MYH6: variants seen among roughly 807,000 people sequenced by gnomAD.
MYH6 encodes the protein myosin-6.
In MYH6, 126 loss-of-function variants were observed where a neutral mutation model predicts 223.2. The observed-to-expected ratio is 0.56, with a 90% confidence interval of 0.49 to 0.65. MYH6 has a LOEUF of 0.65. Among genes scored for constraint, MYH6 ranks in the 30% least tolerant of loss-of-function variants. The probability of loss-of-function intolerance (pLI) is 0.00; values close to 1 mark genes in which losing one functional copy is unlikely to be tolerated. For synonymous variants in MYH6, 978 were observed against 1,010.2 expected, an observed-to-expected ratio of 0.97 and a Z score of 0.61; for missense variants, 2,040 against 2,536.4, an observed-to-expected ratio of 0.80 and a Z score of 4.20.
At chr14:23,398,267 C>T (rs1019430853) in intron 15 of MYH6, among the ~76,000 whole-genome samples, 4 of 152,082 alleles carry the variant, frequency 2.6e-5, no homozygotes, top group Non-Finnish European at 4.4e-5. Context: ...CCACCCGCCT[C>T]GGCCTCCCAA....
chr14:23,393,789 G>A lies in MYH6; in HGVS notation c.2805C>T (p.Asn935=), dbSNP rs757958461. ...NERLEDEEEM[N]AELTAKKRKL... is the part of the protein sequence containing the mutation. ...TGCGCTTCTTGGCAGTGAGCTCCGC[G>A]TTCATCTCCTCCTCATCCTCCAGCC... Residue 935 remains asparagine, a synonymous_variant, in exon 22 of 39, where the codon AAC becomes AAT. Transcript: ENST00000405093. 157 of 1,614,076 alleles carry A rather than the reference G, an allele frequency of 9.7e-5. No individual in the cohort carries two copies. The highest frequency in any genetic ancestry group is 1.6e-4 in the Middle Eastern group (1 of 6,084).
In MYH6 at chr14:23,385,005, A is replaced by G; in HGVS notation, c.5200T>C (p.Ser1734Pro). ...SLINQKKKME[S>P]DLTQLQSEVE... ...TCCGACTGGAGCTGGGTCAGATCCG[A>G]CTCCATCTTCTTCTTCTGGTTGATG... The change falls in exon 35 of 39, where the codon TCG becomes CCG. Residue 1734 changes from serine (S) to proline (P), a missense_variant. Ser to Pro is a moderately conservative substitution (Grantham distance 74). Transcript: ENST00000405093. 1 of 1,613,860 alleles carries G rather than the reference A, an allele frequency of 6.2e-7. No homozygotes were observed.
Position 23,398,863 on chromosome 14 carries a change from T to C in MYH6, c.1756A>G (p.Thr586Ala). The C allele has an allele frequency of 6.2e-7, 1 of 1,614,180 alleles. No homozygotes were observed. The highest frequency in any genetic ancestry group is 8.5e-7 in the Non-Finnish European group (1 of 1,180,034). Residue 586 changes from threonine to alanine, a missense_variant, in exon 15 of 39, where the codon ACT (threonine) becomes GCT (alanine). Coordinates refer to ENST00000405093, the MANE Select transcript of MYH6 (RefSeq NM_002471.4). ...AHFSLIHYAGTVDYNILGWLE... is the reference protein window; with the variant it reads ...AHFSLIHYAGAVDYNILGWLE... ...CAGCCCAGGATGTTGTAGTCCACAG[T>C]GCCGGCGTAGTGGATCAGGGAGAAG...
At position 23,397,234 on chromosome 14, in the gene MYH6, G is replaced by C. The variant is rs894656073; in HGVS notation, c.1986C>G (p.Thr662=). 11 of 1,614,072 alleles carry C rather than the reference G, an allele frequency of 6.8e-6. No homozygotes were observed. Among genetic ancestry groups the C allele is most frequent in the East Asian group, 2.2e-5 (1 of 44,898 alleles). The change falls in exon 17 of 39, where the codon ACC becomes ACG. Residue 662 remains threonine (T), a synonymous_variant. Transcript: ENST00000405093. Reference sequence around the variant, plus strand: ...AGTGAGGATGGGTGGTCCTCAGGTTGGTCATTAGCTTGTTGAGATTTTCCT... The same window carrying C: ...AGTGAGGATGGGTGGTCCTCAGGTTCGTCATTAGCTTGTTGAGATTTTCCT... ...LHRENLNKLM[T]NLRTTHPHFV...
intron 12 of MYH6, among the ~76,000 whole-genome samples, chr14:23,401,780 C>T (rs571633836): frequency 6.6e-6 from 1 of 152,352 alleles, no homozygotes; most frequent in South Asian, 2.1e-4. Flanking sequence ...CTCCTACCCC[C>T]AGCCATCCAA....
At position 23,385,908 on chromosome 14, in the gene MYH6, G is replaced by T. The variant is rs1397119717; in HGVS notation, c.5163+20C>A. ...TCTGCACTCAGTAGGTTTCCACAAG[G>T]TGGCTCCTGACCCCCTCACCTGGGA... On this transcript the variant is annotated intron_variant, in intron 34 of 38. Transcript: ENST00000405093. The T allele has an allele frequency of 6.2e-7, 1 of 1,614,116 alleles. No individual in the cohort carries two copies. Among genetic ancestry groups the T allele is most frequent in the East Asian group, 2.2e-5 (1 of 44,878 alleles).
At chr14:23,401,721 C>T (rs1040296071) in intron 12 of MYH6, among the ~76,000 whole-genome samples, 40 of 152,234 alleles carry the variant, frequency 2.6e-4, no homozygotes, top group African/African-American at 9.6e-4. Flanking sequence ...CTTCTCCATC[C>T]ACATGTTACC....
chr14:23,405,855 G>C lies in MYH6; in HGVS notation c.202-85C>G. The C allele has an allele frequency of 6.4e-7, 1 of 1,571,420 alleles. No homozygotes were observed. Among genetic ancestry groups the C allele is most frequent in the Admixed American group, 1.7e-5 (1 of 59,786 alleles). ...GCACTGCCCACTGACCTCCTCCCAG[G>C]ACACAGGGACTTGGCCTTGCTCCCC... On this transcript the variant is annotated intron_variant, in intron 3 of 38. Transcript: ENST00000405093. This position sits in a 1 kb window ranked among gnomAD's most constrained non-coding sequence, Gnocchi z 4.7.
chr14:23,392,787 G>A, intron 24 of MYH6, 125 bp downstream of exon 24: 1 of 1,496,846 alleles, frequency 6.7e-7, no homozygotes, highest in Non-Finnish European at 9.2e-7. Context: ...GCGGAAGAGG[G>A]CTGTGATTGA....
chr14:23,406,542 C>A (rs74881223), intron 3 of MYH6, among the ~76,000 whole-genome samples: 3,817 of 152,230 alleles, frequency 0.025, 136 homozygotes, highest in African/African-American at 0.081. Context: ...TGTGAGCAAA[C>A]CAGGGACCAG....
rs532606047 is a variant in MYH6, at chr14:23,393,009, G to C, written c.3154C>G (p.Arg1052Gly). The change falls in exon 24 of 39, where the codon CGA becomes GGA. Residue 1052 changes from arginine (R) to glycine (G), a missense_variant. By Grantham distance (125) the Arg-to-Gly change is moderately radical (BLOSUM62 -2). Transcript: ENST00000405093. ...QEKKVRMDLE[R>G]AKRKLEGDLK... ...TCGCCCTCCAGTTTCCGCTTTGCTCGCTCCAGGTCCATGCGCACCTTCTTC... is the reference window on the plus strand; with the variant it reads ...TCGCCCTCCAGTTTCCGCTTTGCTCCCTCCAGGTCCATGCGCACCTTCTTC... 6.2e-7 allele frequency: 1 copy of C among 1,614,156 alleles called. No individual in the cohort carries two copies. The highest frequency in any genetic ancestry group is 8.5e-7 in the Non-Finnish European group (1 of 1,180,030).
intron 20 of MYH6, 65 bp from the exon 21 acceptor site, chr14:23,394,388 A>C (rs180795969): frequency 6.2e-7 from 1 of 1,603,594 alleles, no homozygotes; most frequent in East Asian, 2.2e-5. Flanking sequence ...CATGGGCCCT[A>C]CTAAGCAAGT....
chr14:23,396,179 G>A (rs1891387582), intron 20 of MYH6, 105 bp downstream of exon 20: 1 of 1,470,100 alleles, frequency 6.8e-7, no homozygotes, highest in African/African-American at 1.4e-5. Flanking sequence ...AACTTGCCCA[G>A]GCCAGCTGGT....
Position 23,405,207 on chromosome 14 carries a change from G to T in MYH6, c.502+16C>A. 1 of 1,613,972 alleles carries T rather than the reference G, an allele frequency of 6.2e-7. No individual in the cohort carries two copies. Among genetic ancestry groups the T allele is most frequent in the Non-Finnish European group, 8.5e-7 (1 of 1,180,036 alleles). On this transcript the variant is annotated intron_variant, in intron 5 of 38. Coordinates refer to ENST00000405093, the MANE Select transcript of MYH6 (RefSeq NM_002471.4). The surrounding 1 kb of genome is among the most constrained non-coding windows in gnomAD (Gnocchi z 4.7). ...GTCTGGGAGGAGGAGCAGAGACCAG[G>T]GGCCACCAGGCTCACCTGTCAGCAT...
In MYH6 at chr14:23,387,831, G is replaced by A; in HGVS notation, c.4452C>T (p.Phe1484=). ...KEARSLSTEL[F]KLKNAYEESL... ...ACTCCTCGTAGGCGTTCTTGAGCTTGAAGAGCTCTGTGCTGAGGGAGCGAG... is the reference window on the plus strand; with the variant it reads ...ACTCCTCGTAGGCGTTCTTGAGCTTAAAGAGCTCTGTGCTGAGGGAGCGAG... Residue 1484 remains phenylalanine, a synonymous_variant, in exon 31 of 39, where the codon TTC becomes TTT. Transcript: ENST00000405093. 1 of 1,614,090 alleles carries A rather than the reference G, an allele frequency of 6.2e-7. No individual in the cohort carries two copies.
intron 13 of MYH6, 71 bp downstream of exon 13, chr14:23,400,638 C>T: frequency 6.2e-7 from 1 of 1,612,172 alleles, no homozygotes; most frequent in Non-Finnish European, 8.5e-7. Flanking sequence ...ACAGCTGGCT[C>T]TCAGCAAATG....
chr14:23,386,669 G>A, intron 32 of MYH6, 46 bp from the exon 33 acceptor site: 6 of 1,566,168 alleles, frequency 3.8e-6, no homozygotes, highest in Non-Finnish European at 5.2e-6. Flanking sequence ...CACAGGGCAG[G>A]GTTGAGAGGG....
intron 35 of MYH6, 49 bp downstream of exon 35, chr14:23,384,867 A>T (rs548970731): frequency 1.9e-6 from 3 of 1,613,306 alleles, no homozygotes; most frequent in South Asian, 1.1e-5. Flanking sequence ...CCTGGACCCA[A>T]GGCCTTGTTT....
intron 26 of MYH6, 125 bp downstream of exon 26, chr14:23,389,932 G>A (rs1891179187): frequency 1.3e-6 from 2 of 1,585,694 alleles, no homozygotes; most frequent in Admixed American, 3.4e-5. Flanking sequence ...GGGGAGACAG[G>A]AAGAGAGACC....
Sources: gnomAD v4.1 joint callset for allele counts (sites outside exome capture counted in the v4.1 genomes callset) on GRCh38, gnomAD v4.1.1 for gene constraint, Gnocchi (gnomAD v3.1) non-coding constraint, MANE v1.5 for transcripts, NCBI Gene and HGNC (gene_info 2026-07-23, HGNC 2026-07-21) for gene names.